Variants in ATAD2B observed in about 807,000 individuals in gnomAD.
The protein encoded by ATAD2B is ATPase family AAA domain-containing protein 2B.
Under a neutral mutation model 167.6 loss-of-function variants are expected in ATAD2B, and 40 were observed. The ratio of observed to expected loss-of-function variants is 0.24; its 90% CI spans 0.19 to 0.31. The LOEUF is 0.31. Ranked by LOEUF, ATAD2B falls within the 10% of genes least tolerant of loss-of-function variation. ATAD2B has a pLI of 1.00. For missense variants in ATAD2B, 1,242 were observed against 1,757.2 expected, an observed-to-expected ratio of 0.71 and a Z score of 5.24; for synonymous variants, 579 against 596.5, an observed-to-expected ratio of 0.97 and a Z score of 0.43.
chr2:23,880,409 C>T (rs183978566), intron 7 of ATAD2B, among the ~76,000 whole-genome samples: 4 of 151,784 alleles, frequency 2.6e-5, no homozygotes, highest in Admixed American at 6.6e-5. Flanking sequence ...AGGATGGTCT[C>T]GAGCTCCTGA....
intron 1 of ATAD2B, among the ~76,000 whole-genome samples, chr2:23,908,642 T>C (rs968394322): frequency 8.5e-5 from 13 of 152,142 alleles, no homozygotes; most frequent in African/African-American, 2.7e-4. Flanking sequence ...ACTGGGTATA[T>C]ACCCAAAGGA....
intron 1 of ATAD2B, among the ~76,000 whole-genome samples, chr2:23,909,857 T>G (rs967469945): frequency 6.6e-6 from 1 of 151,870 alleles, no homozygotes; most frequent in Non-Finnish European, 1.5e-5. Context: ...TTGTTTTTTT[T>G]TGTTTGTTTT....
chr2:23,893,810 C>T (rs1267262666), intron 2 of ATAD2B, among the ~76,000 whole-genome samples: 1 of 151,710 alleles, frequency 6.6e-6, no homozygotes, highest in Non-Finnish European at 1.5e-5. Context: ...GATCGGACTA[C>T]AAGCATGTGC....
At chr2:23,808,491 C>T (rs766965643) in intron 18 of ATAD2B, among the ~76,000 whole-genome samples, 94 of 151,874 alleles carry the variant, frequency 6.2e-4, no homozygotes, top group Admixed American at 9.8e-4. Context: ...CTAATTCCTA[C>T]GTAAACTTAG....
the ATAD2B span, chr2:23,691,647 TA>T: frequency 6.5e-7 from 1 of 1,548,086 alleles, no homozygotes. Context: ...GGGCAGGAGG[TA>T]AGGACACCCT....
Position 23,867,892 on chromosome 2 carries a change from T to C in ATAD2B, c.1131A>G (p.Glu377=), listed in dbSNP as rs1380315301. The C allele has an allele frequency of 1.2e-6, 2 of 1,613,888 alleles. No homozygotes were observed. Among genetic ancestry groups the C allele is most frequent in the Admixed American group, 3.3e-5 (2 of 59,998 alleles). The change falls in exon 10 of 28, where the codon GAA becomes GAG. Residue 377 remains glutamate, a synonymous_variant. Transcript: ENST00000238789. ...CCAAGCTTGCACCCACTTTCACTCGTTCTCGGAGAATACCGCTAGCTAAGT... is the reference window on the plus strand; with the variant it reads ...CCAAGCTTGCACCCACTTTCACTCGCTCTCGGAGAATACCGCTAGCTAAGT... ...AEDLASGILR[E]RVKVGASLAD...
At chr2:23,721,684 GTA>G in the ATAD2B span, among the ~76,000 whole-genome samples, 1 of 151,948 alleles carries the variant, frequency 6.6e-6, no homozygotes, top group East Asian at 1.9e-4. Context: ...CCAAGCAGCT[GTA>G]TGCCCACATG....
chr2:23,686,355 T>C, the ATAD2B span, among the ~76,000 whole-genome samples: 2 of 152,098 alleles, frequency 1.3e-5, no homozygotes, highest in East Asian at 3.9e-4. Flanking sequence ...ATCCCCACCT[T>C]GGCAGGTAGG....
chr2:23,915,494 A>T (rs906394423), intron 1 of ATAD2B, among the ~76,000 whole-genome samples: 1 of 148,866 alleles, frequency 6.7e-6, no homozygotes, highest in Non-Finnish European at 1.5e-5. Context: ...GTATTGCTAT[A>T]TTGTCCAGGC....
chr2:23,775,157 C>A (rs190019527), intron 22 of ATAD2B, among the ~76,000 whole-genome samples: 3 of 151,766 alleles, frequency 2.0e-5, no homozygotes, highest in African/African-American at 7.2e-5. Flanking sequence ...AAAAATCTTT[C>A]ATGAACTTAG....
chr2:23,778,957 G>T (rs1679571389), intron 22 of ATAD2B, among the ~76,000 whole-genome samples: 1 of 152,024 alleles, frequency 6.6e-6, no homozygotes, highest in Non-Finnish European at 1.5e-5. Flanking sequence ...CTCACACACT[G>T]CTCAAAACCA....
chr2:23,798,436 GC>G lies in ATAD2B; in HGVS notation c.2455-114del, dbSNP rs538053116. The G allele has an allele frequency of 8.5e-6, 7 of 821,548 alleles. No individual in the cohort carries two copies. In the South Asian group the frequency reaches 2.0e-4, roughly 23 times the overall value. 50.9% of individuals were successfully genotyped at this position (821,548 alleles called of 1,614,324 possible). ...AGGCCTATTATGGTCATTAGTTTCA[GC>G]CTCAAAATTTAAGTTCAAGATATGA... On this transcript the variant is annotated intron_variant, in intron 18 of 27. Coordinates refer to ENST00000238789, the MANE Select transcript of ATAD2B (RefSeq NM_017552.4).
intron 18 of ATAD2B, among the ~76,000 whole-genome samples, chr2:23,808,124 T>TATATATAATTAATTATATATATAATTA (rs1558570147): frequency 3.4e-4 from 6 of 17,628 alleles, no homozygotes; most frequent in African/African-American, 1.1e-3. Context: ...TATATAATTA[T>TATATATAATTAATTATATATATAATTA]TATATATAAG....
intron 22 of ATAD2B, among the ~76,000 whole-genome samples, chr2:23,770,405 T>C (rs1034419264): frequency 5.9e-5 from 9 of 152,224 alleles, no homozygotes; most frequent in African/African-American, 2.2e-4. Flanking sequence ...GTATATCTTA[T>C]TTGGTAAAGT....
chr2:23,851,242 C>T (rs970808275), intron 13 of ATAD2B, among the ~76,000 whole-genome samples: 5 of 152,198 alleles, frequency 3.3e-5, no homozygotes, highest in African/African-American at 9.7e-5. Context: ...CCTCCCCAGG[C>T]TCAAGTGATC....
At chr2:23,737,213 C>T in the ATAD2B span, among the ~76,000 whole-genome samples, 1 of 152,218 alleles carries the variant, frequency 6.6e-6, no homozygotes, top group South Asian at 2.1e-4. Context: ...GTTCTCCAAG[C>T]ACACAGCTTG....
chr2:23,926,825 G>C lies in ATAD2B; in HGVS notation c.-55C>G, dbSNP rs1421190139. The C allele has an allele frequency of 6.9e-7, 1 of 1,452,492 alleles. No individual in the cohort carries two copies. Among genetic ancestry groups the C allele is most frequent in the Non-Finnish European group, 9.1e-7 (1 of 1,103,610 alleles). The allele number at this position is 1,452,492 out of a possible 1,614,324, so 90.0% of individuals were successfully genotyped here. A position where few individuals can be genotyped will look rare whatever the true frequency, so the allele number is the denominator to read the frequency against. ...GCGCCCGGGAGAGCCGAGCAAGGCC[G>C]GCCCGCCGGCCGGTCAGTCAGGGCC... On this transcript the variant is annotated 5_prime_UTR_variant, in exon 1 of 28. Coordinates refer to ENST00000238789, the MANE Select transcript of ATAD2B (RefSeq NM_017552.4).
chr2:23,680,063 G>T, the ATAD2B span, among the ~76,000 whole-genome samples: 2 of 152,206 alleles, frequency 1.3e-5, no homozygotes, highest in Non-Finnish European at 2.9e-5. The surrounding 1 kb of genome is among the most constrained non-coding windows in gnomAD (Gnocchi z 4.1). Flanking sequence ...GTGGCCAGTG[G>T]CTGTGAGGAT....
intron 7 of ATAD2B, among the ~76,000 whole-genome samples, chr2:23,878,753 G>A (rs1264625267): frequency 1.3e-5 from 2 of 149,368 alleles, no homozygotes; most frequent in African/African-American, 4.9e-5. Context: ...AGACTGTCTT[G>A]TCTTAAAAAT....
Sources: allele counts gnomAD v4.1 joint callset (sites outside exome capture counted in the v4.1 genomes callset), GRCh38; gene constraint gnomAD v4.1.1; non-coding constraint Gnocchi (gnomAD v3.1); transcripts MANE v1.5; gene names NCBI Gene and HGNC (gene_info 2026-07-23, HGNC 2026-07-21).